Variants in ADARB2 observed in about 807,000 individuals in gnomAD.
ADARB2 encodes the protein adenosine deaminase RNA specific B2 (inactive).
Under a neutral mutation model 62.2 loss-of-function variants are expected in ADARB2, and 25 were observed. The observed-to-expected ratio is 0.40, with a 90% confidence interval of 0.29 to 0.56. The LOEUF (loss-of-function observed/expected upper bound fraction) is 0.56. Ranked by LOEUF, ADARB2 falls within the 20% of genes least tolerant of loss-of-function variation. The pLI, the probability that ADARB2 is intolerant of heterozygous loss-of-function variation, is 0.43. For missense variants in ADARB2, 1,071 were observed against 1,077.4 expected, an observed-to-expected ratio of 0.99 and a Z score of 0.08; for synonymous variants, 572 against 500.8, an observed-to-expected ratio of 1.14 and a Z score of -1.90.
chr10:1,549,353 G>A (rs1481746919), intron 1 of ADARB2, among the ~76,000 whole-genome samples: 5 of 152,160 alleles, frequency 3.3e-5, no homozygotes, highest in South Asian at 2.1e-4. Flanking sequence ...GACACAAGGC[G>A]CTCTTTTTGA....
At chr10:1,295,091 C>T in intron 3 of ADARB2, among the ~76,000 whole-genome samples, 1 of 152,210 alleles carries the variant, frequency 6.6e-6, no homozygotes, top group East Asian at 1.9e-4. Context: ...CCTCTCACTT[C>T]AGGTGTGGAA....
chr10:1,203,734 A>G (rs1837015943), intron 7 of ADARB2, among the ~76,000 whole-genome samples: 1 of 152,074 alleles, frequency 6.6e-6, no homozygotes, highest in African/African-American at 2.4e-5. Context: ...TGGAGCCAAC[A>G]CAGTCAGGTA....
chr10:1,191,767 T>C (rs939223471), intron 8 of ADARB2, among the ~76,000 whole-genome samples: 7 of 152,238 alleles, frequency 4.6e-5, no homozygotes, highest in Non-Finnish European at 8.8e-5. Flanking sequence ...TCTGCCAGGT[T>C]GTCTGGTGTA....
rs574328562 is a variant in ADARB2, at chr10:1,438,014, C to T, written c.101-58854G>A. ...CATGAGAACCGCTTCGTCCCCTTCC[C>T]TTCCTGCCACCTCTCACTCCCTCCT... On this transcript the variant is annotated intron_variant, in intron 1 of 9. Coordinates refer to ENST00000381312, the MANE Select transcript of ADARB2 (RefSeq NM_018702.4). Among the ~76,000 whole-genome samples the T allele has an allele frequency of 2.0e-4, 31 of 152,372 alleles. 1 individual carries two copies. The South Asian group carries it at 6.4e-3, about 32-fold the overall frequency.
In ADARB2 at chr10:1,616,334, A is replaced by G. The variant is rs1372938289; in HGVS notation, c.100+120717T>C. On this transcript the variant is annotated intron_variant, in intron 1 of 9. Transcript: ENST00000381312. ...GAGAAAAAAAAGAAAAACGAGGATCAGAACCAGCAAGTAGTGCTAGATGTC... is the reference window on the plus strand; with the variant it reads ...GAGAAAAAAAAGAAAAACGAGGATCGGAACCAGCAAGTAGTGCTAGATGTC... Among the ~76,000 whole-genome samples, 3 of 152,264 alleles carry G rather than the reference A, an allele frequency of 2.0e-5. No individual in the cohort carries two copies. In the East Asian group the frequency reaches 5.8e-4, roughly 29 times the overall value.
At chr10:1,529,818 A>G (rs1426452874) in intron 1 of ADARB2, among the ~76,000 whole-genome samples, 7 of 152,170 alleles carry the variant, frequency 4.6e-5, no homozygotes, top group Non-Finnish European at 8.8e-5. Flanking sequence ...AGGACAGGGT[A>G]TCTCCACCAC....
chr10:1,271,817 G>A (rs1056592657), intron 3 of ADARB2, among the ~76,000 whole-genome samples: 2 of 152,186 alleles, frequency 1.3e-5, no homozygotes, highest in Admixed American at 1.3e-4. Context: ...TTGACATGGG[G>A]CCCCAAGCTT....
At chr10:1,498,317 G>A (rs1831717219) in intron 1 of ADARB2, among the ~76,000 whole-genome samples, 1 of 152,108 alleles carries the variant, frequency 6.6e-6, no homozygotes, top group Non-Finnish European at 1.5e-5. Flanking sequence ...AGAGGTTGCA[G>A]TAAGCCAAGA....
chr10:1,521,547 C>G (rs915530108), intron 1 of ADARB2, among the ~76,000 whole-genome samples: 115 of 152,344 alleles, frequency 7.5e-4, no homozygotes, highest in African/African-American at 2.8e-3. Context: ...GCCTCTCCGG[C>G]ATTAACAGCA....
chr10:1,611,839 G>A (rs1165873185), intron 1 of ADARB2, among the ~76,000 whole-genome samples: 4 of 152,084 alleles, frequency 2.6e-5, no homozygotes, highest in Admixed American at 2.0e-4. Context: ...TTGCAGCAGT[G>A]AAAAAAGATG....
At chr10:1,582,582 T>A (rs1258799241) in intron 1 of ADARB2, among the ~76,000 whole-genome samples, 17 of 152,192 alleles carry the variant, frequency 1.1e-4, no homozygotes. Flanking sequence ...CCATTGCAAT[T>A]GCCACCATGT....
Position 1,472,785 on chromosome 10 carries a change from G to T in ADARB2, c.101-93625C>A, listed in dbSNP as rs1458563415. ...CTGGGGATCTGCAGGGTGGGGGCAG[G>T]GCCACGCTCCTCACACTGACTTGAG... is the stretch of plus-strand genomic sequence containing the variant. On this transcript the variant is annotated intron_variant, in intron 1 of 9. Transcript: ENST00000381312. 2.0e-5 allele frequency among the ~76,000 whole-genome samples: 3 copies of T among 152,268 alleles called. No homozygotes were observed. In the East Asian group the frequency reaches 5.8e-4, roughly 29 times the overall value.
At chr10:1,577,033 C>A (rs1833030747) in intron 1 of ADARB2, among the ~76,000 whole-genome samples, 1 of 152,162 alleles carries the variant, frequency 6.6e-6, no homozygotes, top group Non-Finnish European at 1.5e-5. Flanking sequence ...CCCTTGGGTT[C>A]CCATGGCTGA....
At chr10:1,689,756 CAT>C (rs1397234931) in intron 1 of ADARB2, among the ~76,000 whole-genome samples, 3 of 152,176 alleles carry the variant, frequency 2.0e-5, no homozygotes, top group Admixed American at 6.5e-5. Context: ...TGCCTATACG[CAT>C]ATGTGTGCAA....
intron 4 of ADARB2, among the ~76,000 whole-genome samples, chr10:1,247,319 A>G (rs1830995306): frequency 6.6e-6 from 1 of 152,138 alleles, no homozygotes; most frequent in South Asian, 2.1e-4. Context: ...AATAACCTTT[A>G]TTTCCTTCTC....
chr10:1,331,874 C>T (rs1323794599), intron 3 of ADARB2, among the ~76,000 whole-genome samples: 3 of 152,210 alleles, frequency 2.0e-5, no homozygotes, highest in East Asian at 3.9e-4. Context: ...GAATTCTGGA[C>T]CCATGTATTT....
intron 3 of ADARB2, among the ~76,000 whole-genome samples, chr10:1,318,992 C>T (rs1831771044): frequency 6.6e-6 from 1 of 152,182 alleles, no homozygotes; most frequent in African/African-American, 2.4e-5. Context: ...TAACTCCATC[C>T]AAAATCCTGG....
At chr10:1,499,007 C>A (rs1203296243) in intron 1 of ADARB2, among the ~76,000 whole-genome samples, 2 of 151,754 alleles carry the variant, frequency 1.3e-5, no homozygotes, top group African/African-American at 4.8e-5. Flanking sequence ...ACTCAATACT[C>A]ATTACTCAAC....
intron 1 of ADARB2, among the ~76,000 whole-genome samples, chr10:1,405,377 A>G (rs1349779447): frequency 1.3e-5 from 2 of 152,156 alleles, no homozygotes; most frequent in Non-Finnish European, 2.9e-5. Context: ...CCTCCACAAA[A>G]TGAGAGATCT....
Sources: gnomAD v4.1 joint callset for allele counts (sites outside exome capture counted in the v4.1 genomes callset) on GRCh38, gnomAD v4.1.1 for gene constraint, MANE v1.5 for transcripts, NCBI Gene and HGNC (gene_info 2026-07-23, HGNC 2026-07-21) for gene names.